The following NOP58 variants were observed in gnomAD, a reference collection of about 807,000 sequenced individuals.
NOP58 encodes nucleolar protein 58.
In NOP58, 44 loss-of-function variants were observed where a neutral mutation model predicts 71.2. That is an observed-to-expected ratio of 0.62 (90% CI 0.49 to 0.79). NOP58 has a LOEUF of 0.79. Ranked by LOEUF, NOP58 falls within the 30% of genes least tolerant of loss-of-function variation. The pLI is 0.00. For missense variants in NOP58, 538 were observed against 620.2 expected (o/e 0.87, Z 1.41); for synonymous variants, 228 against 200.3 (o/e 1.14, Z -1.17).
At chr2:202,295,896 A>G (rs576370210) in intron 10 of NOP58, 59 bp downstream of exon 10, 4 of 1,368,532 alleles carry the variant, frequency 2.9e-6, no homozygotes, top group African/African-American at 1.5e-5. Flanking sequence ...TTTACAACCC[A>G]TTTTTCTTCT....
In NOP58 at chr2:202,297,366, GT is replaced by G; in HGVS notation, c.1072-8del. ...CTGAACATGGAATATAGTTCTTCAT[GT>G]TTTTCTATTAGATTTCTCGAATGCT... On this transcript the variant is annotated splice_polypyrimidine_tract_variant and intron_variant, in intron 10 of 14. Coordinates refer to ENST00000264279, the MANE Select transcript of NOP58 (RefSeq NM_015934.5). The G allele has an allele frequency of 6.2e-7, 1 of 1,609,156 alleles. No homozygotes were observed. Among genetic ancestry groups the G allele is most frequent in the African/African-American group, 1.3e-5 (1 of 74,770 alleles).
chr2:202,291,001 ATTTTT>A (rs972768893), intron 7 of NOP58, 119 bp from the exon 8 acceptor site: 2 of 825,322 alleles, frequency 2.4e-6, no homozygotes, highest in Non-Finnish European at 3.7e-6. Context: ...AAACTTCTTC[ATTTTT>A]TTTGTTTTGT....
Position 202,294,068 on chromosome 2 carries a change from A to G in NOP58, c.907+1165A>G, listed in dbSNP as rs531444907. Among the ~76,000 whole-genome samples the G allele has an allele frequency of 5.9e-5, 9 of 151,586 alleles. No homozygotes were observed. In the East Asian group the frequency reaches 1.6e-3, roughly 27 times the overall value. ...GGTGGCTCACGCCTGTAATCCCAGC[A>G]CTTTGAGAAGCTGAGGTGGGTGGGT... On this transcript the variant is annotated intron_variant, in intron 9 of 14. Transcript: ENST00000264279.
intron 5 of NOP58, 25 bp downstream of exon 5, chr2:202,284,506 C>A: frequency 6.2e-7 from 1 of 1,607,896 alleles, no homozygotes; most frequent in South Asian, 1.1e-5. Context: ...AAAATAAAGT[C>A]AACTTACTTT....
chr2:202,303,273 G>C, intron 14 of NOP58, 113 bp from the exon 15 acceptor site: 2 of 1,482,616 alleles, frequency 1.3e-6, no homozygotes, highest in East Asian at 4.5e-5. Context: ...GAGGGGAGGA[G>C]TATGATTTGC....
chr2:202,279,779 G>A (rs905873274), intron 3 of NOP58, among the ~76,000 whole-genome samples: 1 of 152,184 alleles, frequency 6.6e-6, no homozygotes, highest in Non-Finnish European at 1.5e-5. Flanking sequence ...GGGCAACAGA[G>A]CGAGACTCCT....
At chr2:202,298,318 T>G (rs1689032588) in intron 12 of NOP58, among the ~76,000 whole-genome samples, 1 of 152,202 alleles carries the variant, frequency 6.6e-6, no homozygotes, top group Non-Finnish European at 1.5e-5. Context: ...ATAGTAAATT[T>G]TTTTAATCTA....
intron 2 of NOP58, chr2:202,276,363 C>G (rs1218983490): frequency 6.8e-6 from 2 of 293,112 alleles, no homozygotes; most frequent in East Asian, 1.9e-4. Context: ...AAAGATGACA[C>G]TGTTTTAGGC....
At chr2:202,275,978 G>A (rs1306146006) in intron 2 of NOP58, among the ~76,000 whole-genome samples, 2 of 151,986 alleles carry the variant, frequency 1.3e-5, no homozygotes, top group Non-Finnish European at 2.9e-5. Context: ...CTAAATCTTC[G>A]TATTTGTATG....
rs368201157 is a variant in NOP58 at position 202,268,672 on chromosome 2, C to T, written c.45+2686C>T. ...TGTTGCCCAGGCTGGAGTGCAATGGCGCGATCTTGGCTCACCACAACCTCT... is the reference window on the plus strand; with the variant it reads ...TGTTGCCCAGGCTGGAGTGCAATGGTGCGATCTTGGCTCACCACAACCTCT... On this transcript the variant is annotated intron_variant, in intron 1 of 14. Coordinates refer to ENST00000264279, the MANE Select transcript of NOP58 (RefSeq NM_015934.5). Among the ~76,000 whole-genome samples, 51 of 150,294 alleles carry T rather than the reference C, an allele frequency of 3.4e-4. 1 individual carries two copies. The East Asian group carries it at 6.4e-3, about 19-fold the overall frequency.
chr2:202,281,377 AGCCTCCCAAAGT>A (rs1182354464), intron 3 of NOP58, among the ~76,000 whole-genome samples: 1 of 151,934 alleles, frequency 6.6e-6, no homozygotes, highest in African/African-American at 2.4e-5. Context: ...TGCCAGCCTC[AGCCTCCCAAAGT>A]GCTGGGATTA....
At chr2:202,289,443 T>C (rs535608126) in intron 6 of NOP58, among the ~76,000 whole-genome samples, 1 of 152,358 alleles carries the variant, frequency 6.6e-6, no homozygotes, top group East Asian at 1.9e-4. Flanking sequence ...TTATTTAAAA[T>C]ATTGTGTAAA....
In NOP58 at chr2:202,297,477, A is replaced by G. The variant is rs751943842; in HGVS notation, c.1170A>G (p.Lys390=). Residue 390 remains lysine, a synonymous_variant, in exon 11 of 15, where the codon AAA becomes AAG. Coordinates refer to ENST00000264279, the MANE Select transcript of NOP58 (RefSeq NM_015934.5). Reference sequence around the variant, plus strand: ...CAATGGGAGTTGAGAACAGAGCCAAATTAGAGGCCAGGTTGAGAACTTTGG... The same window carrying G: ...CAATGGGAGTTGAGAACAGAGCCAAGTTAGAGGCCAGGTTGAGAACTTTGG... ...SSAMGVENRA[K]LEARLRTLED... 22 of 1,614,050 alleles carry G rather than the reference A, an allele frequency of 1.4e-5. No homozygotes were observed. Among genetic ancestry groups the G allele is most frequent in the Admixed American group, 5.0e-5 (3 of 60,024 alleles).
chr2:202,265,844 C>T lies in NOP58; in HGVS notation c.-98C>T, dbSNP rs536512322. On this transcript the variant is annotated 5_prime_UTR_variant, in exon 1 of 15. Transcript: ENST00000264279. ...GGCGAGCGCATTTGTGCTTTGCCCGCCGCGGCCTAGGAGGCCTTTTGAGGC... is the reference window on the plus strand; with the variant it reads ...GGCGAGCGCATTTGTGCTTTGCCCGTCGCGGCCTAGGAGGCCTTTTGAGGC... 7.9e-4 allele frequency: 1,105 copies of T among 1,401,406 alleles called. 6 individuals are homozygous for T. In the African/African-American group the frequency reaches 0.013, roughly 17 times the overall value. 86.8% of individuals were successfully genotyped at this position (1,401,406 alleles called of 1,614,324 possible). A position where few individuals can be genotyped will look rare whatever the true frequency, so the allele number is the denominator to read the frequency against.
intron 6 of NOP58, among the ~76,000 whole-genome samples, chr2:202,290,024 G>A (rs1043762163): frequency 2.6e-5 from 4 of 151,820 alleles, no homozygotes; most frequent in Non-Finnish European, 4.4e-5. Flanking sequence ...GCACGATCTC[G>A]GCTCACTACA....
intron 11 of NOP58, 39 bp downstream of exon 11, chr2:202,297,552 G>C (rs1249458137): frequency 6.3e-7 from 1 of 1,585,678 alleles, no homozygotes; most frequent in Admixed American, 1.8e-5. Flanking sequence ...AGTATTACTT[G>C]TCAAAAGTTA....
chr2:202,277,814 C>A, intron 2 of NOP58, 136 bp from the exon 3 acceptor site: 1 of 618,854 alleles, frequency 1.6e-6, no homozygotes, highest in African/African-American at 1.8e-5. Context: ...AACTTCACAC[C>A]CTGATACACA....
rs1445134030 is a variant in NOP58 at position 202,283,106 on chromosome 2, G to A, written c.297+634G>A. Among the ~76,000 whole-genome samples the A allele has an allele frequency of 2.0e-5, 3 of 152,126 alleles. No homozygotes were observed. The East Asian group carries it at 5.8e-4, about 29-fold the overall frequency. Reference sequence around the variant, plus strand: ...CAGGCGCCTGTAGTCCCAGCTAATTGGGAGTGCAGTGGCGCAGTCTCACAG... The same window carrying A: ...CAGGCGCCTGTAGTCCCAGCTAATTAGGAGTGCAGTGGCGCAGTCTCACAG... On this transcript the variant is annotated intron_variant, in intron 4 of 14. Coordinates refer to ENST00000264279, the MANE Select transcript of NOP58 (RefSeq NM_015934.5).
At position 202,291,131 on chromosome 2, in the gene NOP58, G is replaced by A; in HGVS notation, c.641G>A (p.Arg214Lys). 6.2e-7 allele frequency: 1 copy of A among 1,604,038 alleles called. No homozygotes were observed. Among genetic ancestry groups the A allele is most frequent in the Non-Finnish European group, 8.5e-7 (1 of 1,177,272 alleles). ...CTCTGCAAACATTCCATAGGCGATA[G>A]GAAGAACTATGCCTCTGCCAAGCTT... ...YCKCLQKVGD[R>K]KNYASAKLSE... Residue 214 changes from arginine (R) to lysine (K), a missense_variant, in exon 8 of 15, where the codon AGG (arginine) becomes AAG (lysine). Physicochemically the swap from Arg to Lys is conservative, Grantham distance 26 (BLOSUM62 2). Transcript: ENST00000264279.
Sources: allele counts gnomAD v4.1 joint callset (sites outside exome capture counted in the v4.1 genomes callset), GRCh38; gene constraint gnomAD v4.1.1; transcripts MANE v1.5; gene names NCBI Gene and HGNC (gene_info 2026-07-23, HGNC 2026-07-21).